DNMT3A: variants seen among roughly 807,000 people sequenced by gnomAD.
The protein encoded by DNMT3A is DNA methyltransferase 3 alpha, also known as DNA (cytosine-5)-methyltransferase 3A.
DNMT3A carries 267 observed loss-of-function variants against 117.6 expected under a neutral mutation model. That is an observed-to-expected ratio of 2.27 (90% CI 2.05 to 2.51). DNMT3A has a LOEUF of 2.51. DNMT3A is among the 30% of genes most tolerant of loss of function. The probability of loss-of-function intolerance (pLI) is 0.00; values close to 1 mark genes in which losing one functional copy is unlikely to be tolerated. For missense variants in DNMT3A, 1,029 were observed against 1,260.2 expected, an observed-to-expected ratio of 0.82 and a Z score of 2.78; for synonymous variants, 432 against 474.8, an observed-to-expected ratio of 0.91 and a Z score of 1.17.
At chr2:25,253,152 G>A (rs978574881) in intron 6 of DNMT3A, among the ~76,000 whole-genome samples, 1 of 152,144 alleles carries the variant, frequency 6.6e-6, no homozygotes, top group East Asian at 1.9e-4. Flanking sequence ...CTCCAGGTGC[G>A]GCCTCCAGGT....
chr2:25,264,064 A>G (rs1449697138), intron 6 of DNMT3A, among the ~76,000 whole-genome samples: 1 of 151,002 alleles, frequency 6.6e-6, no homozygotes, highest in Non-Finnish European at 1.5e-5. Context: ...AGACACCCAG[A>G]CACACAAGGT....
intron 6 of DNMT3A, among the ~76,000 whole-genome samples, chr2:25,251,256 T>C (rs1675518967): frequency 1.3e-5 from 2 of 150,688 alleles, no homozygotes; most frequent in Admixed American, 6.6e-5. Context: ...GTCTGGGGCG[T>C]AGGGAAAGCA....
chr2:25,243,898 C>A lies in DNMT3A; in HGVS notation c.1936G>T (p.Gly646Trp), dbSNP rs1472933404. The A allele has an allele frequency of 6.4e-7, 1 of 1,551,938 alleles. No homozygotes were observed. The highest frequency in any genetic ancestry group is 8.7e-7 in the Non-Finnish European group (1 of 1,147,024). The part of the protein sequence containing the change: ...VLSLFDGIAT[G>W]LLVLKDLGIQ... Reference sequence around the variant, plus strand: ...CACCTCTTGGGCCTGCACCCCTCACCTGTAGCGATTCCATCAAAGAGAGAC... The same window carrying A: ...CACCTCTTGGGCCTGCACCCCTCACATGTAGCGATTCCATCAAAGAGAGAC... The change falls in exon 16 of 23, where the codon GGG becomes TGG. Residue 646 changes from glycine to tryptophan, a missense_variant and splice_region_variant. Transcript: ENST00000321117.
At chr2:25,341,389 G>A (rs964388264) in intron 1 of DNMT3A, among the ~76,000 whole-genome samples, 31 of 145,582 alleles carry the variant, frequency 2.1e-4, no homozygotes, top group Non-Finnish European at 4.0e-4. Flanking sequence ...CTCCAGGCGG[G>A]GCCGCGGGGC....
At chr2:25,276,676 GCTT>G (rs1314931192) in intron 4 of DNMT3A, among the ~76,000 whole-genome samples, 3 of 152,176 alleles carry the variant, frequency 2.0e-5, no homozygotes, top group Non-Finnish European at 4.4e-5. Context: ...GCCTCCCATA[GCTT>G]CTTGCTGGAG....
intron 1 of DNMT3A, among the ~76,000 whole-genome samples, chr2:25,328,379 C>G (rs888289011): frequency 1.3e-5 from 2 of 152,002 alleles, no homozygotes; most frequent in Admixed American, 6.5e-5. Context: ...CGGAATGACA[C>G]CCCTGGCTCC....
At position 25,246,066 on chromosome 2, in the gene DNMT3A, T is replaced by TACACCA; in HGVS notation, c.1430-3_1430-2insTGGTGT. ...GCCGCACCTCGTACACCAGCCGCTC[T>TACACCA]GCAAGGGGAGGAGAGCTGGCGTCAG... On this transcript the variant is annotated splice_region_variant and splice_polypyrimidine_tract_variant and intron_variant, in intron 11 of 22. Transcript: ENST00000321117. 6.2e-7 allele frequency: 1 copy of TACACCA among 1,614,208 alleles called. No homozygotes were observed. The highest frequency in any genetic ancestry group is 8.5e-7 in the Non-Finnish European group (1 of 1,180,014).
chr2:25,332,881 G>A (rs2035067192), intron 1 of DNMT3A, among the ~76,000 whole-genome samples: 1 of 152,224 alleles, frequency 6.6e-6, no homozygotes. Flanking sequence ...TGCCAGGCCG[G>A]GCTGTGGTCT....
At chr2:25,277,515 C>T (rs936691222) in intron 4 of DNMT3A, among the ~76,000 whole-genome samples, 18 of 152,162 alleles carry the variant, frequency 1.2e-4, no homozygotes, top group African/African-American at 3.9e-4. Context: ...ACTGTGTCAG[C>T]CCTGCGGCTA....
In DNMT3A at chr2:25,254,705, G is replaced by T. The variant is rs972932757; in HGVS notation, c.640-6453C>A. Among the ~76,000 whole-genome samples, 1 of 152,170 alleles carries T rather than the reference G, an allele frequency of 6.6e-6. No homozygotes were observed. The highest frequency in any genetic ancestry group is 2.4e-5 in the African/African-American group (1 of 41,438). On this transcript the variant is annotated intron_variant, in intron 6 of 22. Transcript: ENST00000321117. The surrounding 1 kb of genome is among the most constrained non-coding windows in gnomAD (Gnocchi z 4.7). ...CATCCATGCCGGTCAACGGGCCTGA[G>T]AACTTACTTCAGGCCTCCTCTCAAA...
At chr2:25,239,050 G>C (rs74847974) in intron 20 of DNMT3A, 80 bp downstream of exon 20, 1 of 1,307,574 alleles carries the variant, frequency 7.6e-7, no homozygotes, top group African/African-American at 1.5e-5. Flanking sequence ...AGAGGGCCCG[G>C]CTCAGGGGCT....
chr2:25,300,748 T>TAA (rs2033452197), intron 2 of DNMT3A, among the ~76,000 whole-genome samples: 1 of 56,388 alleles, frequency 1.8e-5, no homozygotes, highest in African/African-American at 7.6e-5. Context: ...TATATATATA[T>TAA]ATATATATAT....
chr2:25,302,364 G>A (rs1184626248), intron 2 of DNMT3A, among the ~76,000 whole-genome samples: 1 of 152,208 alleles, frequency 6.6e-6, no homozygotes, highest in Non-Finnish European at 1.5e-5. Flanking sequence ...TCACTAAGCT[G>A]TGCAGAGTGA....
intron 6 of DNMT3A, among the ~76,000 whole-genome samples, chr2:25,255,432 A>G (rs1487352707): frequency 1.3e-5 from 2 of 152,190 alleles, no homozygotes; most frequent in African/African-American, 2.4e-5. Context: ...GAAAGGAGGA[A>G]CTCCTGGATG....
At chr2:25,326,324 T>G (rs569075870) in intron 1 of DNMT3A, among the ~76,000 whole-genome samples, 2 of 152,284 alleles carry the variant, frequency 1.3e-5, no homozygotes, top group South Asian at 4.1e-4. Flanking sequence ...GAATGATGGT[T>G]GGGGCTCTCT....
In DNMT3A at chr2:25,243,888, C is replaced by CA. The variant is rs1266248725; in HGVS notation, c.1936+9dup. The CA allele has an allele frequency of 6.4e-6, 10 of 1,551,772 alleles. No homozygotes were observed. The highest frequency in any genetic ancestry group is 8.7e-6 in the Non-Finnish European group (10 of 1,147,024). On this transcript the variant is annotated intron_variant, in intron 16 of 22. Coordinates refer to ENST00000321117, the MANE Select transcript of DNMT3A (RefSeq NM_022552.5). ...AGGCGGCCAGCACCTCTTGGGCCTG[C>CA]ACCCCTCACCTGTAGCGATTCCATC...
chr2:25,297,383 C>T (rs748692538), intron 3 of DNMT3A, among the ~76,000 whole-genome samples: 1 of 152,160 alleles, frequency 6.6e-6, no homozygotes, highest in African/African-American at 2.4e-5. Flanking sequence ...GCACGGGATG[C>T]GCCCCGCCTC....
intron 1 of DNMT3A, among the ~76,000 whole-genome samples, chr2:25,317,834 C>T (rs1010327763): frequency 3.9e-5 from 6 of 152,192 alleles, no homozygotes; most frequent in African/African-American, 1.4e-4. Flanking sequence ...CTCGCGGGTT[C>T]AAGCGATTCT....
In DNMT3A at chr2:25,293,911, T is replaced by C. The variant is rs1454891167; in HGVS notation, c.177+6228A>G. ...GTCTCGAATTCCTGGCCTCAAGTGATCCACCTGCCTCAGCCTCTCAAAGTG... is the reference window on the plus strand; with the variant it reads ...GTCTCGAATTCCTGGCCTCAAGTGACCCACCTGCCTCAGCCTCTCAAAGTG... On this transcript the variant is annotated intron_variant, in intron 3 of 22. Transcript: ENST00000321117. The surrounding 1 kb of genome is among the most constrained non-coding windows in gnomAD (Gnocchi z 4.7). Among the ~76,000 whole-genome samples, 1 of 152,202 alleles carries C rather than the reference T, an allele frequency of 6.6e-6. No individual in the cohort carries two copies. The highest frequency in any genetic ancestry group is 2.4e-5 in the African/African-American group (1 of 41,448).
Sources: allele counts gnomAD v4.1 joint callset (sites outside exome capture counted in the v4.1 genomes callset), GRCh38; gene constraint gnomAD v4.1.1; non-coding constraint Gnocchi (gnomAD v3.1); transcripts MANE v1.5; gene names NCBI Gene and HGNC (gene_info 2026-07-23, HGNC 2026-07-21).